Variants in KIF21A observed in about 807,000 individuals in gnomAD.
KIF21A encodes the protein kinesin-like protein KIF21A.
In KIF21A, 114 loss-of-function variants were observed where a neutral mutation model predicts 202.9. The ratio of observed to expected loss-of-function variants is 0.56; its 90% confidence interval spans 0.48 to 0.66. The LOEUF (loss-of-function observed/expected upper bound fraction) is 0.66. Among genes scored for constraint, KIF21A ranks in the 30% least tolerant of loss-of-function variants. The pLI, the probability that KIF21A is intolerant of heterozygous loss-of-function variation, is 0.00. For synonymous variants in KIF21A, 667 were observed against 670.8 expected (o/e 0.99, Z 0.09); for missense variants, 1,677 against 1,994.9 (o/e 0.84, Z 3.04).
At chr12:39,419,179 G>T (rs1482482769) in intron 1 of KIF21A, among the ~76,000 whole-genome samples, 2 of 152,228 alleles carry the variant, frequency 1.3e-5, no homozygotes, top group African/African-American at 4.8e-5. Flanking sequence ...ACTTACAGGA[G>T]TACTCTGTTG....
chr12:39,398,807 A>C (rs2139809564), intron 1 of KIF21A, among the ~76,000 whole-genome samples: 1 of 152,326 alleles, frequency 6.6e-6, no homozygotes, highest in African/African-American at 2.4e-5. Flanking sequence ...ATAAAGGGAA[A>C]TTCAGTCAGC....
intron 1 of KIF21A, among the ~76,000 whole-genome samples, chr12:39,433,296 C>CT (rs1938213890): frequency 6.6e-6 from 1 of 151,954 alleles, no homozygotes; most frequent in African/African-American, 2.4e-5. Context: ...TCAGGCAAGT[C>CT]TTTATATAAG....
chr12:39,316,075 C>A, intron 29 of KIF21A, 105 bp from the exon 30 acceptor site: 2 of 798,196 alleles, frequency 2.5e-6, no homozygotes, highest in Middle Eastern at 2.3e-4. Flanking sequence ...AGATATATAG[C>A]AAACATTTCC....
rs187867717 is a variant in KIF21A at position 39,297,502 on chromosome 12, C to T, written c.4932-2985G>A. The stretch of plus-strand genomic sequence containing the variant: ...TATTGCAAGAACAAAAAACCAAACA[C>T]CGCATATTCTCACTCATAGGTGGGA... On this transcript the variant is annotated intron_variant, in intron 37 of 37. Transcript: ENST00000361418. Among the ~76,000 whole-genome samples, 717 of 149,828 alleles carry T rather than the reference C, an allele frequency of 4.8e-3. 3 individuals are homozygous for T. The highest frequency in any genetic ancestry group is 0.017 in the African/African-American group (688 of 40,652).
intron 1 of KIF21A, among the ~76,000 whole-genome samples, chr12:39,418,261 G>A (rs1953948608): frequency 6.6e-6 from 1 of 151,856 alleles, no homozygotes; most frequent in Admixed American, 6.6e-5. Context: ...GATTTTGTAA[G>A]GTCTAATCTA....
At chr12:39,316,065 A>AGATATATAG (rs1944506417) in intron 29 of KIF21A, 95 bp from the exon 30 acceptor site, 1 of 828,496 alleles carries the variant, frequency 1.2e-6, no homozygotes, top group Non-Finnish European at 2.1e-6. Flanking sequence ...CATGAATAAC[A>AGATATATAG]GATATATAGC....
In KIF21A at chr12:39,307,699, A is replaced by C; in HGVS notation, c.4308T>G (p.Ala1436=). The change falls in exon 34 of 38, where the codon GCT becomes GCG. Residue 1436 remains alanine (A), a synonymous_variant. Transcript: ENST00000361418. The stretch of plus-strand genomic sequence containing the variant: ...CTGTTCGACTGGTACTTGCAGAACA[A>C]GCATCTCCAAGAGTAACTTGACCTG... ...TSSGQVTLGD[A]CSASTSRTVA... 6.2e-7 allele frequency: 1 copy of C among 1,614,084 alleles called. No homozygotes were observed. Among genetic ancestry groups the C allele is most frequent in the Non-Finnish European group, 8.5e-7 (1 of 1,179,958 alleles).
chr12:39,421,721 A>ATTTT (rs201300931), intron 1 of KIF21A, among the ~76,000 whole-genome samples: 4 of 124,232 alleles, frequency 3.2e-5, no homozygotes, highest in Non-Finnish European at 6.3e-5. Flanking sequence ...AATATATATA[A>ATTTT]TTTATATATA....
intron 1 of KIF21A, among the ~76,000 whole-genome samples, chr12:39,417,492 A>T (rs911814935): frequency 2.0e-5 from 3 of 152,208 alleles, no homozygotes; most frequent in African/African-American, 7.2e-5. Context: ...TTTAACCAGT[A>T]AGGGAACAGT....
intron 5 of KIF21A, 61 bp downstream of exon 5, chr12:39,366,969 A>T: frequency 1.4e-6 from 2 of 1,450,158 alleles, no homozygotes; most frequent in Non-Finnish European, 1.9e-6. Context: ...TTCTCAGAGA[A>T]TTCATGTGGT....
At chr12:39,330,173 C>A (rs902785167) in intron 24 of KIF21A, 69 bp downstream of exon 24, 4 of 1,401,116 alleles carry the variant, frequency 2.9e-6, no homozygotes, top group Middle Eastern at 1.8e-4. Flanking sequence ...AGATGTACCA[C>A]AATTAGTGTA....
chr12:39,339,847 T>C (rs951885890), intron 16 of KIF21A, among the ~76,000 whole-genome samples: 2 of 152,228 alleles, frequency 1.3e-5, no homozygotes, highest in Non-Finnish European at 2.9e-5. Flanking sequence ...ATACAGTGTT[T>C]GTTATTATGT....
intron 1 of KIF21A, among the ~76,000 whole-genome samples, chr12:39,433,822 G>A (rs184163827): frequency 2.0e-5 from 3 of 152,176 alleles, no homozygotes; most frequent in East Asian, 1.9e-4. Flanking sequence ...AAAAGAAAAC[G>A]GGGAGACTAG....
intron 12 of KIF21A, among the ~76,000 whole-genome samples, chr12:39,343,166 A>C (rs1349535783): frequency 6.6e-6 from 1 of 152,114 alleles, no homozygotes; most frequent in Non-Finnish European, 1.5e-5. Context: ...ATTTGAGTCC[A>C]GCCTGGCCAA....
At chr12:39,319,325 T>C (rs1944945573) in intron 28 of KIF21A, among the ~76,000 whole-genome samples, 1 of 152,128 alleles carries the variant, frequency 6.6e-6, no homozygotes, top group Admixed American at 6.5e-5. Flanking sequence ...ATGTTGCAAT[T>C]TGTAAACGCC....
chr12:39,437,170 C>T (rs947084829), intron 1 of KIF21A, among the ~76,000 whole-genome samples: 2 of 152,110 alleles, frequency 1.3e-5, no homozygotes, highest in African/African-American at 2.4e-5. Context: ...TTAACTGCTA[C>T]GATCATTTCT....
intron 1 of KIF21A, among the ~76,000 whole-genome samples, chr12:39,397,369 A>T (rs984494181): frequency 1.3e-5 from 2 of 152,130 alleles, no homozygotes; most frequent in African/African-American, 4.8e-5. Flanking sequence ...ACATATCAGG[A>T]TAATATTGAG....
At chr12:39,371,885 C>CA (rs1163754971) in intron 1 of KIF21A, among the ~76,000 whole-genome samples, 3 of 151,008 alleles carry the variant, frequency 2.0e-5, no homozygotes, top group Admixed American at 2.0e-4. Flanking sequence ...GCCAAGACAG[C>CA]ACCACTGCAC....
chr12:39,337,392 T>C (rs977168905), intron 16 of KIF21A, 189 bp from the exon 17 acceptor site: 13 of 572,952 alleles, frequency 2.3e-5, no homozygotes, highest in Admixed American at 2.2e-4. Context: ...TAATACATTT[T>C]TATTAAATTG....
Sources: allele counts gnomAD v4.1 joint callset (sites outside exome capture counted in the v4.1 genomes callset), GRCh38; gene constraint gnomAD v4.1.1; transcripts MANE v1.5; gene names NCBI Gene and HGNC (gene_info 2026-07-23, HGNC 2026-07-21).